Variants in GLCCI1 observed in about 807,000 individuals in gnomAD.
The protein encoded by GLCCI1 is glucocorticoid induced 1, also known as glucocorticoid-induced transcript 1 protein.
GLCCI1 carries 24 observed loss-of-function variants against 52.2 expected under a neutral mutation model. That is an observed-to-expected ratio of 0.46 (90% CI 0.33 to 0.65). The LOEUF (loss-of-function observed/expected upper bound fraction) is 0.65. GLCCI1 is among the 30% of genes least tolerant of loss of function. The pLI is 0.02. For missense variants in GLCCI1, 704 were observed against 701.5 expected (o/e 1.00, Z -0.04); for synonymous variants, 310 against 276.5 (o/e 1.12, Z -1.20).
chr7:7,977,081 GAAAA>G (rs1356357153), intron 1 of GLCCI1, among the ~76,000 whole-genome samples: 1 of 152,020 alleles, frequency 6.6e-6, no homozygotes, highest in Admixed American at 6.6e-5. Flanking sequence ...TAGCCATAAA[GAAAA>G]CTTTTGTGAA....
At chr7:7,979,704 T>C (rs573304446) in intron 1 of GLCCI1, among the ~76,000 whole-genome samples, 1 of 152,334 alleles carries the variant, frequency 6.6e-6, no homozygotes, top group Admixed American at 6.5e-5. Context: ...TGGCTTCTTG[T>C]GTAGTAATGT....
At chr7:8,054,624 A>G (rs1490376580) in intron 3 of GLCCI1, among the ~76,000 whole-genome samples, 1 of 152,102 alleles carries the variant, frequency 6.6e-6, no homozygotes, top group Non-Finnish European at 1.5e-5. Context: ...AATACATTAT[A>G]TCTTTGTTGT....
At chr7:8,042,428 C>T (rs1348509706) in intron 3 of GLCCI1, among the ~76,000 whole-genome samples, 1 of 152,134 alleles carries the variant, frequency 6.6e-6, no homozygotes, top group Non-Finnish European at 1.5e-5. Context: ...GAACTTGATT[C>T]CACCCTTAAT....
At chr7:8,034,675 G>A (rs914750220) in intron 3 of GLCCI1, among the ~76,000 whole-genome samples, 2 of 152,182 alleles carry the variant, frequency 1.3e-5, no homozygotes, top group African/African-American at 4.8e-5. Flanking sequence ...ATCAAGGGGA[G>A]AGTGCTGGAG....
At chr7:8,045,975 A>C (rs1782115459) in intron 3 of GLCCI1, among the ~76,000 whole-genome samples, 1 of 151,772 alleles carries the variant, frequency 6.6e-6, no homozygotes, top group South Asian at 2.1e-4. Flanking sequence ...AAAAAAAAAA[A>C]CCTTATAAAT....
intron 5 of GLCCI1, among the ~76,000 whole-genome samples, chr7:8,062,995 T>C (rs1782550441): frequency 1.3e-5 from 2 of 152,196 alleles, no homozygotes; most frequent in South Asian, 4.1e-4. Context: ...AATAATGGGA[T>C]TGCTGAGTTG....
intron 2 of GLCCI1, among the ~76,000 whole-genome samples, chr7:8,010,635 C>T (rs1781245499): frequency 6.6e-6 from 1 of 151,964 alleles, no homozygotes; most frequent in Non-Finnish European, 1.5e-5. Context: ...AAAAATAATG[C>T]TTTTTGATGG....
chr7:7,987,247 T>G (rs1219659724), intron 1 of GLCCI1, among the ~76,000 whole-genome samples: 1 of 152,228 alleles, frequency 6.6e-6, no homozygotes, highest in Non-Finnish European at 1.5e-5. Flanking sequence ...GGAATACTTG[T>G]GCCTCTAATA....
rs770733788 is a variant in GLCCI1, at chr7:8,071,043, T to C, written c.1089T>C (p.His363=). The C allele has an allele frequency of 6.2e-7, 1 of 1,614,088 alleles. No homozygotes were observed. The highest frequency in any genetic ancestry group is 8.5e-7 in the Non-Finnish European group (1 of 1,180,050). ...AGCGCAGCAGTAGCTGCAGCAGTCA[T>C]TCACCCTGTGTCTCCCCTTTTTGTC... The part of the protein sequence containing the change: ...VQERSSSCSS[H]SPCVSPFCPP... Residue 363 remains histidine, a synonymous_variant, in exon 6 of 8, where the codon CAT becomes CAC. Transcript: ENST00000223145.
intron 3 of GLCCI1, among the ~76,000 whole-genome samples, chr7:8,054,162 A>G (rs1171391119): frequency 6.6e-6 from 1 of 152,090 alleles, no homozygotes; most frequent in African/African-American, 2.4e-5. Context: ...GATTAAATGA[A>G]TTGTACAATT....
chr7:8,081,635 A>G (rs993177588), intron 6 of GLCCI1, among the ~76,000 whole-genome samples: 1 of 152,222 alleles, frequency 6.6e-6, no homozygotes, highest in Non-Finnish European at 1.5e-5. Flanking sequence ...TACTCAAGCT[A>G]TACAAGTACA....
chr7:8,056,320 A>G (rs981871984), intron 4 of GLCCI1, among the ~76,000 whole-genome samples: 5 of 152,160 alleles, frequency 3.3e-5, no homozygotes, highest in African/African-American at 1.2e-4. Flanking sequence ...TCTCTTAATA[A>G]CAGATAAAAC....
intron 4 of GLCCI1, among the ~76,000 whole-genome samples, chr7:8,058,176 A>G (rs1782439598): frequency 2.0e-5 from 3 of 152,188 alleles, no homozygotes; most frequent in Admixed American, 2.0e-4. Context: ...ATGTTTCAAA[A>G]TATGATGAAA....
intron 1 of GLCCI1, among the ~76,000 whole-genome samples, chr7:8,002,876 C>T (rs891430567): frequency 1.8e-4 from 28 of 152,220 alleles, no homozygotes; most frequent in Middle Eastern, 3.4e-3. Flanking sequence ...TGTGATACCC[C>T]TATGGGAAGG....
chr7:8,013,705 C>T (rs190861782), intron 2 of GLCCI1, among the ~76,000 whole-genome samples: 1 of 152,270 alleles, frequency 6.6e-6, no homozygotes, highest in Non-Finnish European at 1.5e-5. Flanking sequence ...ATTGGAACAA[C>T]ACATTTCTTG....
intron 2 of GLCCI1, among the ~76,000 whole-genome samples, chr7:8,005,550 T>C (rs1781131992): frequency 6.6e-6 from 1 of 152,202 alleles, no homozygotes; most frequent in Non-Finnish European, 1.5e-5. Flanking sequence ...AGCATAGAGC[T>C]AGAAAGTGTT....
At chr7:8,071,485 T>A (rs1027407709) in intron 6 of GLCCI1, among the ~76,000 whole-genome samples, 5 of 152,174 alleles carry the variant, frequency 3.3e-5, no homozygotes, top group African/African-American at 1.2e-4. Context: ...AAGCTTAAAG[T>A]TAGATTTTAT....
intron 3 of GLCCI1, among the ~76,000 whole-genome samples, chr7:8,052,480 A>G (rs1224420735): frequency 6.6e-6 from 1 of 152,184 alleles, no homozygotes; most frequent in African/African-American, 2.4e-5. Context: ...CACACCCAGG[A>G]TATATTTGTC....
intron 2 of GLCCI1, among the ~76,000 whole-genome samples, chr7:8,009,695 A>T (rs1781224995): frequency 6.6e-6 from 1 of 152,352 alleles, no homozygotes; most frequent in South Asian, 2.1e-4. Context: ...TACATGTAGT[A>T]TGAGCAAGAA....
Sources: allele counts gnomAD v4.1 joint callset (sites outside exome capture counted in the v4.1 genomes callset), GRCh38; gene constraint gnomAD v4.1.1; transcripts MANE v1.5; gene names NCBI Gene and HGNC (gene_info 2026-07-23, HGNC 2026-07-21).